AGMO: variants seen among roughly 807,000 people sequenced by gnomAD.
The protein encoded by AGMO is alkylglycerol monooxygenase.
Under a neutral mutation model 60.2 loss-of-function variants are expected in AGMO, and 75 were observed. The ratio of observed to expected loss-of-function variants is 1.25; its 90% CI spans 1.03 to 1.51. The LOEUF (loss-of-function observed/expected upper bound fraction) is 1.51. Ranked by LOEUF, AGMO falls within the 40% of genes most tolerant of loss-of-function variation. AGMO has a pLI of 0.00. For missense variants in AGMO, 763 were observed against 525.5 expected (o/e 1.45, Z -4.42); for synonymous variants, 261 against 177.1 (o/e 1.47, Z -3.76).
intron 12 of AGMO, among the ~76,000 whole-genome samples, chr7:15,231,650 A>G (rs767010687): frequency 6.6e-5 from 10 of 152,204 alleles, no homozygotes; most frequent in Non-Finnish European, 2.9e-5. Flanking sequence ...AGCAAATTCT[A>G]GTGGAGCTAG....
chr7:15,553,064 C>T lies in AGMO; in HGVS notation c.257+7077G>A, dbSNP rs1178078959. On this transcript the variant is annotated intron_variant, in intron 2 of 12. Coordinates refer to ENST00000342526, the MANE Select transcript of AGMO (RefSeq NM_001004320.2). ...GAAATCATCATTCTCAGTAAACTAT[C>T]GCAAGAACAAAAAACCAAACACCGC... 2.0e-3 allele frequency among the ~76,000 whole-genome samples: 306 copies of T among 149,996 alleles called. 1 individual carries two copies. The highest frequency in any genetic ancestry group is 7.2e-3 in the African/African-American group (294 of 40,892).
intron 2 of AGMO, among the ~76,000 whole-genome samples, chr7:15,548,873 C>G (rs1193971397): frequency 2.0e-5 from 3 of 151,770 alleles, no homozygotes; most frequent in African/African-American, 7.3e-5. Flanking sequence ...GTGAGATTCA[C>G]CAAAGTTGAA....
intron 12 of AGMO, among the ~76,000 whole-genome samples, chr7:15,207,688 A>G (rs181451558): frequency 7.0e-4 from 106 of 152,302 alleles, no homozygotes; most frequent in South Asian, 2.5e-3. Flanking sequence ...TAATCCCAAC[A>G]CTTTGGGAGA....
At chr7:15,372,320 A>G (rs1198233422) in intron 10 of AGMO, among the ~76,000 whole-genome samples, 1 of 152,072 alleles carries the variant, frequency 6.6e-6, no homozygotes, top group Non-Finnish European at 1.5e-5. Context: ...GCATGGTGGC[A>G]CACACCTGTA....
At chr7:15,164,422 T>A in the AGMO span, among the ~76,000 whole-genome samples, 1 of 151,950 alleles carries the variant, frequency 6.6e-6, no homozygotes, top group African/African-American at 2.4e-5. Flanking sequence ...AGCTTCGACA[T>A]AGCAAAAGAA....
chr7:15,194,343 C>G, the AGMO span, among the ~76,000 whole-genome samples: 2 of 150,710 alleles, frequency 1.3e-5, no homozygotes, highest in African/African-American at 4.9e-5. Flanking sequence ...TGTTTGTGCA[C>G]AAGGTAATTT....
intron 10 of AGMO, among the ~76,000 whole-genome samples, chr7:15,371,816 G>A (rs1783229441): frequency 6.6e-6 from 1 of 151,982 alleles, no homozygotes; most frequent in East Asian, 1.9e-4. Flanking sequence ...GGATTTATAG[G>A]CATGAGCCAC....
intron 12 of AGMO, among the ~76,000 whole-genome samples, chr7:15,246,248 T>C (rs1782737998): frequency 6.6e-6 from 1 of 152,228 alleles, no homozygotes; most frequent in Non-Finnish European, 1.5e-5. Context: ...ATAAGCGTTT[T>C]TTCCAAACTG....
intron 3 of AGMO, among the ~76,000 whole-genome samples, chr7:15,444,945 G>A (rs1781659809): frequency 1.3e-5 from 2 of 152,116 alleles, no homozygotes; most frequent in Admixed American, 6.5e-5. Flanking sequence ...CCAGGCCAGG[G>A]AGCTGACATC....
chr7:15,295,105 A>C (rs1784373136), intron 12 of AGMO, among the ~76,000 whole-genome samples: 1 of 151,954 alleles, frequency 6.6e-6, no homozygotes, highest in South Asian at 2.1e-4. Flanking sequence ...ACAGTTAATA[A>C]AAACATCCAT....
intron 12 of AGMO, among the ~76,000 whole-genome samples, chr7:15,322,522 A>G (rs770947847): frequency 0.015 from 1,121 of 76,364 alleles, 30 homozygotes; most frequent in East Asian, 0.027. Flanking sequence ...ATATAAATAT[A>G]TATAAATATA....
intron 11 of AGMO, 148 bp downstream of exon 11, chr7:15,365,992 T>C: frequency 1.7e-6 from 1 of 581,614 alleles, no homozygotes; most frequent in Non-Finnish European, 3.0e-6. Context: ...ATAGTTAACT[T>C]CTCTAAAATA....
At chr7:15,531,403 A>T (rs1227010610) in intron 3 of AGMO, among the ~76,000 whole-genome samples, 6 of 78,596 alleles carry the variant, frequency 7.6e-5, no homozygotes, top group African/African-American at 2.4e-4. Context: ...CTATATATAT[A>T]TTCTATATAT....
chr7:15,521,508 T>C (rs1226957273), intron 3 of AGMO, among the ~76,000 whole-genome samples: 1 of 152,154 alleles, frequency 6.6e-6, no homozygotes, highest in African/African-American at 2.4e-5. Context: ...CATGATCAGG[T>C]TGGCTTCATC....
chr7:15,153,401 C>T, the AGMO span, among the ~76,000 whole-genome samples: 1 of 152,032 alleles, frequency 6.6e-6, no homozygotes, highest in Non-Finnish European at 1.5e-5. Flanking sequence ...TGTTTTTAAT[C>T]ATGAAGCCTT....
intron 12 of AGMO, among the ~76,000 whole-genome samples, chr7:15,214,001 T>C (rs1335340038): frequency 6.6e-6 from 1 of 151,978 alleles, no homozygotes; most frequent in African/African-American, 2.4e-5. Flanking sequence ...CATTAATGTA[T>C]TGTATATATC....
At chr7:15,423,368 A>G (rs1780976266) in intron 4 of AGMO, among the ~76,000 whole-genome samples, 1 of 152,174 alleles carries the variant, frequency 6.6e-6, no homozygotes, top group Admixed American at 6.6e-5. Flanking sequence ...GTTTGAAATA[A>G]GAGTTTGTGT....
At chr7:15,298,322 T>G (rs551858216) in intron 12 of AGMO, among the ~76,000 whole-genome samples, 3 of 152,256 alleles carry the variant, frequency 2.0e-5, no homozygotes, top group East Asian at 3.9e-4. Flanking sequence ...TCATACCACT[T>G]CAATCATTCA....
intron 3 of AGMO, among the ~76,000 whole-genome samples, chr7:15,477,688 A>G (rs1279468726): frequency 6.6e-6 from 1 of 152,148 alleles, no homozygotes; most frequent in East Asian, 1.9e-4. Context: ...ATTTGTTACC[A>G]TTAGTTACCT....
Sources: allele counts gnomAD v4.1 joint callset (sites outside exome capture counted in the v4.1 genomes callset), GRCh38; gene constraint gnomAD v4.1.1; transcripts MANE v1.5; gene names NCBI Gene and HGNC (gene_info 2026-07-23, HGNC 2026-07-21).